Variants in PHACTR4 observed in about 807,000 individuals in gnomAD.
PHACTR4 encodes the protein protein phosphatase 1, regulatory subunit 124.
A neutral mutation model predicts 72.7 loss-of-function variants in PHACTR4; 51 were observed. The ratio of observed to expected loss-of-function variants is 0.70; its 90% CI spans 0.56 to 0.89. The LOEUF is 0.89. PHACTR4 is among the 40% of genes least tolerant of loss of function. The pLI, the probability that PHACTR4 is intolerant of heterozygous loss-of-function variation, is 0.00. For synonymous variants in PHACTR4, 255 were observed against 302.5 expected (o/e 0.84, Z 1.63); for missense variants, 731 against 861.8 (o/e 0.85, Z 1.90).
At chr1:28,454,936 T>C (rs1658263820) in intron 2 of PHACTR4, among the ~76,000 whole-genome samples, 2 of 152,090 alleles carry the variant, frequency 1.3e-5, no homozygotes, top group Non-Finnish European at 2.9e-5. Context: ...CTCAGCTCAC[T>C]GTAACCTCCA....
At chr1:28,429,728 A>G (rs894745862) in intron 2 of PHACTR4, among the ~76,000 whole-genome samples, 3 of 152,218 alleles carry the variant, frequency 2.0e-5, no homozygotes, top group South Asian at 2.1e-4. Flanking sequence ...TTAAGGATAA[A>G]TACATCATGG....
rs1234986907 is a variant in PHACTR4 at position 28,491,687 on chromosome 1, G to A, written c.1916G>A (p.Arg639Lys). The part of the protein sequence containing the change: ...QRPTVAELLA[R>K]KILRFNEYVE... ...CCAACTGTCGCTGAACTCCTTGCCA[G>A]GAAGATTCTGAGGTTTAATGAATAT... The change falls in exon 12 of 14, where the codon AGG becomes AAG. Residue 639 changes from arginine to lysine, a missense_variant. Transcript: ENST00000373839. 1 of 1,613,974 alleles carries A rather than the reference G, an allele frequency of 6.2e-7. No individual in the cohort carries two copies. Among genetic ancestry groups the A allele is most frequent in the Non-Finnish European group, 8.5e-7 (1 of 1,179,998 alleles).
At chr1:28,489,138 A>G (rs751067875) in intron 9 of PHACTR4, 32 bp from the exon 10 acceptor site, 3 of 1,594,190 alleles carry the variant, frequency 1.9e-6, no homozygotes, top group South Asian at 2.2e-5. Flanking sequence ...GAGGTTTAAC[A>G]TAAACATTAC....
Position 28,442,335 on chromosome 1 carries a change from G to A in PHACTR4, c.17-16750G>A, listed in dbSNP as rs546874925. Among the ~76,000 whole-genome samples the A allele has an allele frequency of 9.9e-5, 15 of 151,496 alleles. No homozygotes were observed. In the South Asian group the frequency reaches 1.5e-3, roughly 15 times the overall value. ...AAAAATTAGCTGAGCATGGTGGCGC[G>A]TGCCTGTAGTCCCAGCTACTCAGGA... On this transcript the variant is annotated intron_variant, in intron 2 of 13. Coordinates refer to ENST00000373839, the MANE Select transcript of PHACTR4 (RefSeq NM_001048183.3).
At chr1:28,493,243 T>C (rs912625484) in intron 13 of PHACTR4, 152 bp downstream of exon 13, 20 of 692,094 alleles carry the variant, frequency 2.9e-5, no homozygotes, top group Non-Finnish European at 4.4e-5. Flanking sequence ...TAAGAAGCAA[T>C]AGTAAATGCC....
intron 2 of PHACTR4, among the ~76,000 whole-genome samples, chr1:28,431,740 A>G (rs1302783816): frequency 6.6e-6 from 1 of 152,198 alleles, no homozygotes; most frequent in Non-Finnish European, 1.5e-5. Flanking sequence ...CTTATAAACA[A>G]TTTTAACAAA....
At chr1:28,494,322 G>A (rs10799118) in intron 13 of PHACTR4, 58,445 of 151,602 alleles carry the variant, frequency 0.39, 12,959 homozygotes, top group African/African-American at 0.6. Flanking sequence ...TGGGAAACAC[G>A]GTGAGCCCCA....
intron 1 of PHACTR4, among the ~76,000 whole-genome samples, chr1:28,383,052 C>T (rs1652307126): frequency 6.6e-6 from 1 of 152,130 alleles, no homozygotes; most frequent in Non-Finnish European, 1.5e-5. Flanking sequence ...GTTGGCTTAC[C>T]AAAGTGTTGG....
chr1:28,415,702 G>A (rs868393912), intron 2 of PHACTR4, among the ~76,000 whole-genome samples: 3 of 152,122 alleles, frequency 2.0e-5, no homozygotes, highest in African/African-American at 7.2e-5. Context: ...TTTGGTGATT[G>A]TTTAATGAGA....
intron 3 of PHACTR4, 31 bp downstream of exon 3, chr1:28,459,289 G>A (rs566093042): frequency 1.3e-6 from 2 of 1,581,264 alleles, no homozygotes; most frequent in South Asian, 1.1e-5. Context: ...TGTGTGTTCT[G>A]AGTTAGAATT....
intron 1 of PHACTR4, among the ~76,000 whole-genome samples, chr1:28,395,358 T>C (rs1653414061): frequency 6.6e-6 from 1 of 152,234 alleles, no homozygotes; most frequent in African/African-American, 2.4e-5. Flanking sequence ...CTGTGCTCTG[T>C]AAGCATGTTT....
At chr1:28,396,085 T>C (rs1653481192) in intron 1 of PHACTR4, among the ~76,000 whole-genome samples, 1 of 151,786 alleles carries the variant, frequency 6.6e-6, no homozygotes, top group Admixed American at 6.6e-5. Context: ...AATTAAGTTC[T>C]TTATTAACTG....
intron 1 of PHACTR4, among the ~76,000 whole-genome samples, chr1:28,403,046 AT>A (rs776836690): frequency 3.9e-5 from 6 of 152,222 alleles, no homozygotes; most frequent in African/African-American, 7.2e-5. Context: ...TAATATTAGA[AT>A]TGGAAGGTAT....
intron 2 of PHACTR4, among the ~76,000 whole-genome samples, chr1:28,425,961 C>T (rs191102114): frequency 2.7e-4 from 41 of 152,324 alleles, no homozygotes; most frequent in Admixed American, 2.6e-3. Flanking sequence ...TGGCTCACGC[C>T]TGTAATCCCA....
intron 1 of PHACTR4, among the ~76,000 whole-genome samples, chr1:28,386,351 C>T (rs1652559888): frequency 6.6e-6 from 1 of 152,148 alleles, no homozygotes; most frequent in South Asian, 2.1e-4. Context: ...GCCTCGGCCT[C>T]CCAAAGTGCT....
intron 2 of PHACTR4, among the ~76,000 whole-genome samples, chr1:28,411,395 C>T (rs1468230798): frequency 6.6e-6 from 1 of 152,168 alleles, no homozygotes; most frequent in East Asian, 1.9e-4. Flanking sequence ...AATTAACATT[C>T]ATTCAATCAT....
At chr1:28,496,211 CACGCCCAGCTAATTTTT>C (rs1199080834) in intron 13 of PHACTR4, among the ~76,000 whole-genome samples, 1 of 151,880 alleles carries the variant, frequency 6.6e-6, no homozygotes, top group Non-Finnish European at 1.5e-5. Context: ...TGCGCGCCAC[CACGCCCAGCTAATTTTT>C]TGTATTTTTA....
chr1:28,490,843 CAAAA>C, intron 10 of PHACTR4, 104 bp from the exon 11 acceptor site: 3 of 913,796 alleles, frequency 3.3e-6, no homozygotes, highest in Non-Finnish European at 3.1e-6. Flanking sequence ...AACTCCGTCT[CAAAA>C]AAAAAAAACA....
chr1:28,487,727 GTTTTTTTTTTTTTT>G (rs780028378), intron 9 of PHACTR4, among the ~76,000 whole-genome samples: 3 of 63,310 alleles, frequency 4.7e-5, no homozygotes, highest in East Asian at 8.9e-4. Context: ...GTTTTTTGTT[GTTTTTTTTTTTTTT>G]TTTTTTTTTT....
Sources: gnomAD v4.1 joint callset for allele counts (sites outside exome capture counted in the v4.1 genomes callset) on GRCh38, gnomAD v4.1.1 for gene constraint, MANE v1.5 for transcripts, NCBI Gene and HGNC (gene_info 2026-07-23, HGNC 2026-07-21) for gene names.